Variants in ATRNL1 observed in about 807,000 individuals in gnomAD.
The protein encoded by ATRNL1 is attractin like 1.
ATRNL1 carries 95 observed loss-of-function variants against 182.7 expected under a neutral mutation model. That is an observed-to-expected ratio of 0.52 (90% CI 0.44 to 0.62). The LOEUF (loss-of-function observed/expected upper bound fraction) is 0.62. Among genes scored for constraint, ATRNL1 ranks in the 20% least tolerant of loss-of-function variants. The probability of loss-of-function intolerance (pLI) is 0.00; values close to 1 mark genes in which losing one functional copy is unlikely to be tolerated. For missense variants in ATRNL1, 1,471 were observed against 1,679.5 expected, an observed-to-expected ratio of 0.88 and a Z score of 2.17; for synonymous variants, 576 against 568.3, an observed-to-expected ratio of 1.01 and a Z score of -0.19.
At chr10:115,553,012 A>C (rs1174706435) in intron 26 of ATRNL1, among the ~76,000 whole-genome samples, 1 of 151,316 alleles carries the variant, frequency 6.6e-6, no homozygotes, top group African/African-American at 2.4e-5. Context: ...TGTCAGGAGC[A>C]AGTATATGTA....
chr10:115,716,326 C>G (rs1359564812), intron 26 of ATRNL1, among the ~76,000 whole-genome samples: 1 of 151,890 alleles, frequency 6.6e-6, no homozygotes, highest in East Asian at 1.9e-4. Flanking sequence ...CCATTTTCCT[C>G]AAAGGAAAAA....
At chr10:115,203,551 A>C (rs1276522223) in intron 8 of ATRNL1, among the ~76,000 whole-genome samples, 1 of 150,616 alleles carries the variant, frequency 6.6e-6, no homozygotes, top group Non-Finnish European at 1.5e-5. Context: ...TAGGATTCTT[A>C]AAAGTTTAAA....
intron 24 of ATRNL1, among the ~76,000 whole-genome samples, chr10:115,502,100 A>G (rs930537244): frequency 6.6e-6 from 1 of 152,156 alleles, no homozygotes; most frequent in Admixed American, 6.6e-5. Context: ...CATAACAATT[A>G]CAATTATTAC....
intron 27 of ATRNL1, among the ~76,000 whole-genome samples, chr10:115,815,149 T>A (rs1950132072): frequency 6.6e-6 from 1 of 152,092 alleles, no homozygotes; most frequent in African/African-American, 2.4e-5. Flanking sequence ...AATGCATAGT[T>A]TATTTCTATA....
At chr10:115,518,034 G>A (rs1026880535) in intron 24 of ATRNL1, among the ~76,000 whole-genome samples, 2 of 151,776 alleles carry the variant, frequency 1.3e-5, no homozygotes, top group Admixed American at 6.6e-5. Flanking sequence ...CTATATTTAA[G>A]CTTACATGTA....
At position 115,681,971 on chromosome 10, in the gene ATRNL1, G is replaced by A. The variant is rs1220559060; in HGVS notation, c.3796-45277G>A. 2.6e-5 allele frequency among the ~76,000 whole-genome samples: 4 copies of A among 152,106 alleles called. No homozygotes were observed. In the East Asian group the frequency reaches 7.7e-4, roughly 29 times the overall value. On this transcript the variant is annotated intron_variant, in intron 26 of 28. Transcript: ENST00000355044. The stretch of plus-strand genomic sequence containing the variant: ...TACAATGCAGTGGTTAAAAGTAAAG[G>A]ATTCATGGTCAAACAAGGTGTTAAC...
chr10:115,186,878 T>A (rs1198107954), intron 8 of ATRNL1, among the ~76,000 whole-genome samples: 1 of 152,182 alleles, frequency 6.6e-6, no homozygotes, highest in Non-Finnish European at 1.5e-5. Flanking sequence ...TTGATGTGAT[T>A]ATTATGCATT....
chr10:115,489,878 ATGTTTAG>A (rs1243980909), intron 24 of ATRNL1, among the ~76,000 whole-genome samples: 4 of 151,942 alleles, frequency 2.6e-5, no homozygotes, highest in Admixed American at 2.0e-4. Flanking sequence ...ATTCCTTTCC[ATGTTTAG>A]TGCTTCCTTC....
chr10:115,536,219 G>A (rs1182730345), intron 25 of ATRNL1, among the ~76,000 whole-genome samples: 7 of 152,168 alleles, frequency 4.6e-5, no homozygotes, highest in African/African-American at 7.2e-5. Flanking sequence ...CAGAGGTGGA[G>A]CCTACAGAGA....
chr10:115,162,179 A>G lies in ATRNL1; in HGVS notation c.1004+1965A>G, dbSNP rs1004667226. ...AAAAACACTATTACCAAAGTAAATT[A>G]TAGACATGAACATATATACATATAG... is the stretch of plus-strand genomic sequence containing the variant. On this transcript the variant is annotated intron_variant, in intron 6 of 28. Transcript: ENST00000355044. 1.9e-4 allele frequency among the ~76,000 whole-genome samples: 29 copies of G among 152,038 alleles called. 1 individual carries two copies. Among genetic ancestry groups the G allele is most frequent in the African/African-American group, 6.8e-4 (28 of 41,386 alleles).
At chr10:115,621,719 C>T (rs1857781876) in intron 26 of ATRNL1, among the ~76,000 whole-genome samples, 1 of 152,136 alleles carries the variant, frequency 6.6e-6, no homozygotes, top group Admixed American at 6.5e-5. Context: ...GCCATTAGAA[C>T]TTGAAGATCC....
chr10:115,119,148 T>C (rs1844615031), intron 1 of ATRNL1, among the ~76,000 whole-genome samples: 3 of 152,130 alleles, frequency 2.0e-5, no homozygotes, highest in African/African-American at 7.2e-5. Flanking sequence ...TTTCCAAGCA[T>C]GAATTAGCCA....
At chr10:115,294,310 A>T (rs781867243) in intron 15 of ATRNL1, among the ~76,000 whole-genome samples, 45 of 152,172 alleles carry the variant, frequency 3.0e-4, no homozygotes, top group Non-Finnish European at 2.5e-4. Context: ...ACATAGCAAG[A>T]TCCCATCTCT....
chr10:115,794,883 T>G (rs1204355020), intron 27 of ATRNL1, among the ~76,000 whole-genome samples: 1 of 152,224 alleles, frequency 6.6e-6, no homozygotes, highest in East Asian at 1.9e-4. Flanking sequence ...TAATATTTCC[T>G]TATTTATATG....
At chr10:115,104,000 A>T (rs1334183792) in intron 1 of ATRNL1, among the ~76,000 whole-genome samples, 1 of 152,190 alleles carries the variant, frequency 6.6e-6, no homozygotes, top group East Asian at 1.9e-4. Context: ...GCTGCAGAAA[A>T]CATTGAAGTA....
intron 28 of ATRNL1, among the ~76,000 whole-genome samples, chr10:115,915,125 C>T (rs7070558): frequency 0.082 from 12,415 of 152,090 alleles, 1,457 homozygotes; most frequent in African/African-American, 0.26. Flanking sequence ...TGGCTGGGTG[C>T]GGTGGCTCAC....
intron 27 of ATRNL1, among the ~76,000 whole-genome samples, chr10:115,751,813 A>G (rs750578531): frequency 4.6e-5 from 7 of 152,090 alleles, no homozygotes; most frequent in Non-Finnish European, 7.4e-5. Flanking sequence ...GAGGGAGAAT[A>G]TAAGTATACC....
chr10:115,419,493 G>C (rs1348740518), intron 20 of ATRNL1, among the ~76,000 whole-genome samples: 1 of 152,202 alleles, frequency 6.6e-6, no homozygotes, highest in East Asian at 1.9e-4. Context: ...TGAACGGATA[G>C]AAAAATATGA....
intron 28 of ATRNL1, among the ~76,000 whole-genome samples, chr10:115,915,342 G>A (rs536178359): frequency 6.6e-6 from 1 of 151,950 alleles, no homozygotes; most frequent in East Asian, 1.9e-4. Context: ...AGCTTGCAGT[G>A]AGCGGAGATC....
Sources: allele counts gnomAD v4.1 joint callset (sites outside exome capture counted in the v4.1 genomes callset), GRCh38; gene constraint gnomAD v4.1.1; transcripts MANE v1.5; gene names NCBI Gene and HGNC (gene_info 2026-07-23, HGNC 2026-07-21).